FAM107B: variants seen among roughly 807,000 people sequenced by gnomAD.
FAM107B encodes the protein family with sequence similarity 107 member B.
In FAM107B, 21 loss-of-function variants were observed where a neutral mutation model predicts 31.5. The observed-to-expected ratio is 0.67, with a 90% confidence interval of 0.47 to 0.96. The LOEUF (loss-of-function observed/expected upper bound fraction) is 0.96, where lower values mean the gene tolerates loss of function less well. FAM107B is among the 40% of genes least tolerant of loss of function. The probability of loss-of-function intolerance (pLI) is 0.00; values close to 1 mark genes in which losing one functional copy is unlikely to be tolerated. For synonymous variants in FAM107B, 157 were observed against 141.5 expected (o/e 1.11, Z -0.78); for missense variants, 452 against 377.1 (o/e 1.20, Z -1.64).
chr10:14,563,097 C>T (rs567779374), intron 2 of FAM107B, among the ~76,000 whole-genome samples: 28 of 152,168 alleles, frequency 1.8e-4, no homozygotes, highest in Admixed American at 4.6e-4. Flanking sequence ...AGAAAGGTTA[C>T]GATAGTCTGT....
At chr10:14,736,689 C>T (rs574606715) in intron 1 of FAM107B, among the ~76,000 whole-genome samples, 1 of 152,306 alleles carries the variant, frequency 6.6e-6, no homozygotes, top group African/African-American at 2.4e-5. Flanking sequence ...ATTAACTGAT[C>T]ATTTCCAAAA....
chr10:14,531,001 T>TA (rs1846925525), intron 2 of FAM107B, among the ~76,000 whole-genome samples: 1 of 152,196 alleles, frequency 6.6e-6, no homozygotes, highest in Non-Finnish European at 1.5e-5. Flanking sequence ...TCACTGATGG[T>TA]TATTGGTCAT....
intron 2 of FAM107B, among the ~76,000 whole-genome samples, chr10:14,643,066 A>T (rs1248644994): frequency 6.6e-6 from 1 of 152,114 alleles, no homozygotes; most frequent in Non-Finnish European, 1.5e-5. Flanking sequence ...CAAAATTTGT[A>T]TTAGGTTTCT....
At chr10:14,769,529 C>T (rs796972143) in intron 1 of FAM107B, among the ~76,000 whole-genome samples, 55 of 152,152 alleles carry the variant, frequency 3.6e-4, no homozygotes, top group African/African-American at 1.3e-3. Flanking sequence ...GGATTACGGG[C>T]GCCCGCCACC....
chr10:14,521,724 C>T (rs1034786231), intron 4 of FAM107B, 145 bp downstream of exon 4: 8 of 1,231,936 alleles, frequency 6.5e-6, no homozygotes, highest in Non-Finnish European at 9.0e-6. Context: ...CATATTTGAC[C>T]CCATTTGCTG....
chr10:14,656,921 G>C (rs899838859), intron 2 of FAM107B, among the ~76,000 whole-genome samples: 1 of 152,156 alleles, frequency 6.6e-6, no homozygotes, highest in Non-Finnish European at 1.5e-5. Flanking sequence ...ACTGTGTTAA[G>C]AGGACATAGG....
At chr10:14,733,226 A>G (rs1246235746) in intron 1 of FAM107B, among the ~76,000 whole-genome samples, 1 of 152,086 alleles carries the variant, frequency 6.6e-6, no homozygotes, top group East Asian at 1.9e-4. Flanking sequence ...ACAGAAAGGA[A>G]TATCAGCTAT....
chr10:14,774,655 C>A lies in FAM107B; in HGVS notation c.9G>T (p.Thr3=). 1 of 1,612,446 alleles carries A rather than the reference C, an allele frequency of 6.2e-7. No homozygotes were observed. The highest frequency in any genetic ancestry group is 8.5e-7 in the Non-Finnish European group (1 of 1,179,018). MS[T]WKARLTKRLK... Reference sequence around the variant, plus strand: ...GTCTTTTGGTGAGTCTTGCTTTCCACGTGGACATGACTTGCAGTGAATCAT... The same window carrying A: ...GTCTTTTGGTGAGTCTTGCTTTCCAAGTGGACATGACTTGCAGTGAATCAT... The change falls in exon 1 of 5, where the codon ACG becomes ACT. Residue 3 remains threonine, a synonymous_variant. Transcript: ENST00000181796.
In FAM107B at chr10:14,559,110, A is replaced by C. The variant is rs78452209; in HGVS notation, c.470-28595T>G. 6.8e-4 allele frequency among the ~76,000 whole-genome samples: 57 copies of C among 83,624 alleles called. 1 individual carries two copies. Among genetic ancestry groups the C allele is most frequent in the South Asian group, 1.3e-3 (4 of 3,164 alleles). 54.9% of individuals were successfully genotyped at this position (83,624 alleles called of 152,430 possible). A position where few individuals can be genotyped will look rare whatever the true frequency, so the allele number is the denominator to read the frequency against. ...CACCTGTGGAACTTCAAAAAAAAAA[A>C]AAAAAAACAAAAAAAAAACACCTGG... On this transcript the variant is annotated intron_variant, in intron 2 of 4. Transcript: ENST00000181796.
chr10:14,681,441 T>C (rs781778650), intron 1 of FAM107B, among the ~76,000 whole-genome samples: 1 of 152,234 alleles, frequency 6.6e-6, no homozygotes, highest in Non-Finnish European at 1.5e-5. Flanking sequence ...AGGCCACTTT[T>C]GCTCTGAGTC....
At chr10:14,575,258 T>C (rs530070934) in intron 2 of FAM107B, among the ~76,000 whole-genome samples, 6 of 151,974 alleles carry the variant, frequency 3.9e-5, no homozygotes, top group Non-Finnish European at 7.4e-5. Flanking sequence ...GGCTGGAGTG[T>C]AGTGGTGCAC....
At chr10:14,647,892 C>A (rs770748254) in intron 2 of FAM107B, among the ~76,000 whole-genome samples, 2 of 151,748 alleles carry the variant, frequency 1.3e-5, no homozygotes, top group African/African-American at 4.8e-5. Context: ...CCCCAACCAA[C>A]TCATATATTC....
At chr10:14,592,181 G>T (rs1852043029) in intron 2 of FAM107B, among the ~76,000 whole-genome samples, 1 of 152,176 alleles carries the variant, frequency 6.6e-6, no homozygotes, top group South Asian at 2.1e-4. Context: ...GAGTTGAAAG[G>T]TCAGGGCCCA....
At chr10:14,659,399 C>T (rs1854163129) in intron 2 of FAM107B, among the ~76,000 whole-genome samples, 1 of 152,020 alleles carries the variant, frequency 6.6e-6, no homozygotes. Context: ...TGAGATTGCC[C>T]CACTTCACTC....
At chr10:14,559,213 C>T (rs1850013832) in intron 2 of FAM107B, among the ~76,000 whole-genome samples, 1 of 151,966 alleles carries the variant, frequency 6.6e-6, no homozygotes, top group South Asian at 2.1e-4. Flanking sequence ...TGTGCCACAA[C>T]ACAGCCATGT....
intron 2 of FAM107B, among the ~76,000 whole-genome samples, chr10:14,596,165 G>A (rs777605237): frequency 8.5e-5 from 13 of 152,108 alleles, no homozygotes; most frequent in Non-Finnish European, 1.5e-4. Context: ...TTGTTTCTGC[G>A]AGGCTCATCC....
chr10:14,681,591 G>T (rs534802623), intron 1 of FAM107B, among the ~76,000 whole-genome samples: 2 of 152,134 alleles, frequency 1.3e-5, no homozygotes, highest in Admixed American at 1.3e-4. Flanking sequence ...GACCGTCACC[G>T]CACCCAGAGG....
rs560091530 is a variant in FAM107B, at chr10:14,654,876, T to G, written c.469+12758A>C. Among the ~76,000 whole-genome samples, 5 of 152,326 alleles carry G rather than the reference T, an allele frequency of 3.3e-5. No homozygotes were observed. The South Asian group carries it at 1.0e-3, about 32-fold the overall frequency. ...GTGTTCAGAAAAGGTCAGAGAACTGTGTTCAGAAAAGGAATTTTAAGAAGC... is the reference window on the plus strand; with the variant it reads ...GTGTTCAGAAAAGGTCAGAGAACTGGGTTCAGAAAAGGAATTTTAAGAAGC... On this transcript the variant is annotated intron_variant, in intron 2 of 4. Transcript: ENST00000181796.
intron 1 of FAM107B, among the ~76,000 whole-genome samples, chr10:14,731,425 G>A (rs1408673876): frequency 6.6e-6 from 1 of 152,134 alleles, no homozygotes; most frequent in African/African-American, 2.4e-5. Flanking sequence ...AGCCAGGCAT[G>A]GTGGTGGGTG....
Sources: allele counts gnomAD v4.1 joint callset (sites outside exome capture counted in the v4.1 genomes callset), GRCh38; gene constraint gnomAD v4.1.1; transcripts MANE v1.5; gene names NCBI Gene and HGNC (gene_info 2026-07-23, HGNC 2026-07-21).